ZNF790: variants seen among roughly 807,000 people sequenced by gnomAD.
ZNF790 encodes the protein zinc finger protein 790.
A neutral mutation model predicts 12.1 loss-of-function variants in ZNF790; 8 were observed. The observed-to-expected ratio is 0.66, with a 90% CI of 0.39 to 1.19. The LOEUF (loss-of-function observed/expected upper bound fraction) is 1.19, where lower values mean the gene tolerates loss of function less well. Ranked by LOEUF, ZNF790 falls within the 50% of genes most tolerant of loss-of-function variation. ZNF790 has a pLI of 0.01. For synonymous variants in ZNF790, 252 were observed against 244.3 expected, an observed-to-expected ratio of 1.03 and a Z score of -0.29; for missense variants, 707 against 752.2, an observed-to-expected ratio of 0.94 and a Z score of 0.70.
At chr19:36,850,169 C>T (rs2072232018) in exon 1 of ZNF790, 1 of 152,300 alleles carries the variant, frequency 6.6e-6, no homozygotes, top group Non-Finnish European at 1.5e-5. Context: ...GAATTCCAAG[C>T]AGCCTCCGGG....
intron 1 of ZNF790, among the ~76,000 whole-genome samples, chr19:36,829,610 C>T (rs2071905082): frequency 6.6e-6 from 1 of 152,182 alleles, no homozygotes; most frequent in South Asian, 2.1e-4. Flanking sequence ...TCTTGTTGCC[C>T]AGGCTGGAGT....
intron 1 of ZNF790, among the ~76,000 whole-genome samples, chr19:36,848,294 G>C (rs1305683825): frequency 6.6e-6 from 1 of 152,164 alleles, no homozygotes; most frequent in Non-Finnish European, 1.5e-5. Context: ...TCTGGGAAAA[G>C]GAAAAGGGCT....
chr19:36,823,704 ATC>A lies in ZNF790; in HGVS notation c.94_95del (p.Asp32CysfsTer38), dbSNP rs1390056349. 3.1e-6 allele frequency: 5 copies of A among 1,611,624 alleles called. No homozygotes were observed. The highest frequency in any genetic ancestry group is 1.7e-5 in the Admixed American group (1 of 59,152). ...TGTTGCTGTAGTTCTCCAACATCACATCTCTATATAAATCCCTCTGTTCCAGG... is the reference window on the plus strand; with the variant it reads ...TGTTGCTGTAGTTCTCCAACATCACATCTATATAAATCCCTCTGTTCCAGG... ...LDLEQRDLYR[D>X]VMLENYSNMV... is the part of the protein sequence containing the mutation. On this transcript the variant is annotated frameshift_variant, in exon 3 of 5. Coordinates refer to ENST00000356725, the MANE Select transcript of ZNF790 (RefSeq NM_206894.4). LOFTEE classifies it high-confidence loss of function.
chr19:36,829,201 ACGTG>A (rs1377590425), intron 1 of ZNF790, among the ~76,000 whole-genome samples: 7 of 152,232 alleles, frequency 4.6e-5, no homozygotes, highest in Non-Finnish European at 1.0e-4. Flanking sequence ...ATTCACAAAT[ACGTG>A]CAACCACAGT....
intron 4 of ZNF790, among the ~76,000 whole-genome samples, chr19:36,821,489 G>A (rs186983825): frequency 1.3e-4 from 20 of 152,320 alleles, no homozygotes; most frequent in East Asian, 1.2e-3. Flanking sequence ...CACAGGATAC[G>A]TGTTGAATAA....
At chr19:36,827,141 C>CATATATATATATATATATATAT (rs369671729) in intron 1 of ZNF790, among the ~76,000 whole-genome samples, 4 of 84,442 alleles carry the variant, frequency 4.7e-5, no homozygotes, top group Admixed American at 2.8e-4. Context: ...CACACACACA[C>CATATATATATATATATATATAT]ATATATATAT....
chr19:36,839,357 A>G (rs2072108427), upstream of ZNF790, among the ~76,000 whole-genome samples: 1 of 152,230 alleles, frequency 6.6e-6, no homozygotes, highest in African/African-American at 2.4e-5. Context: ...TGGTATCTCA[A>G]GAACAAATGC....
upstream of ZNF790, among the ~76,000 whole-genome samples, chr19:36,843,002 CAAAA>C (rs59705640): frequency 3.1e-5 from 2 of 65,528 alleles, no homozygotes. Context: ...GACTCCATCT[CAAAA>C]AAAAAAAAAA....
chr19:36,850,472 G>A (rs1030477216), upstream of ZNF790: 2 of 152,324 alleles, frequency 1.3e-5, no homozygotes, highest in Non-Finnish European at 2.9e-5. Flanking sequence ...TATAGCTAAC[G>A]GGCTGGGTGA....
chr19:36,833,333 G>C (rs1274345129), intron 1 of ZNF790, among the ~76,000 whole-genome samples: 1 of 152,110 alleles, frequency 6.6e-6, no homozygotes, highest in African/African-American at 2.4e-5. Flanking sequence ...AGTAGAGACA[G>C]AGTTTCACCA....
intron 1 of ZNF790, among the ~76,000 whole-genome samples, chr19:36,830,073 C>T (rs534896515): frequency 6.6e-6 from 1 of 152,234 alleles, no homozygotes; most frequent in East Asian, 1.9e-4. Flanking sequence ...AGCCCAATTG[C>T]CAGTACAATG....
At chr19:36,822,680 A>T (rs577317092) in intron 4 of ZNF790, among the ~76,000 whole-genome samples, 2 of 152,222 alleles carry the variant, frequency 1.3e-5, no homozygotes, top group Admixed American at 6.5e-5. Context: ...AGCTGGGACT[A>T]CAGGTGTGTG....
In ZNF790 at chr19:36,819,876, C is replaced by T. The variant is rs1422303394; in HGVS notation, c.468G>A (p.Val156=). Residue 156 remains valine, a synonymous_variant, in exon 5 of 5, where the codon GTG becomes GTA. Transcript: ENST00000356725. ...TATTAAGTCTCTGGTGTAGATTAAA[C>T]ACTGTATGCTGGTTAAAAGTGGGCC... ...EKRPTFNQHT[V]FNLHQRLNTG... The T allele has an allele frequency of 6.2e-6, 10 of 1,613,668 alleles. No individual in the cohort carries two copies. Among genetic ancestry groups the T allele is most frequent in the Non-Finnish European group, 8.5e-6 (10 of 1,179,906 alleles).
At chr19:36,833,132 C>G (rs1033035932) in intron 1 of ZNF790, among the ~76,000 whole-genome samples, 1 of 152,034 alleles carries the variant, frequency 6.6e-6, no homozygotes, top group African/African-American at 2.4e-5. Context: ...ATGTAACATA[C>G]AATATCTTTT....
At chr19:36,831,292 G>A (rs1289285019) in intron 1 of ZNF790, among the ~76,000 whole-genome samples, 1 of 152,114 alleles carries the variant, frequency 6.6e-6, no homozygotes, top group Non-Finnish European at 1.5e-5. Flanking sequence ...TGATGCAATT[G>A]CAGCTCTAAA....
In ZNF790 at chr19:36,819,095, T is replaced by A. The variant is rs764344180; in HGVS notation, c.1249A>T (p.Thr417Ser). ...TTACATTCATAAGGTTTCCTGCCAG[T>A]ATGAATTCGCTGATGTCGAGCAAGG... ...SHLARHQRIHTGRKPYECKQC... is the reference protein window; with the variant it reads ...SHLARHQRIHSGRKPYECKQC... Residue 417 changes from threonine (T) to serine (S), a missense_variant, in exon 5 of 5, where the codon ACT becomes TCT. Transcript: ENST00000356725. The A allele has an allele frequency of 6.2e-7, 1 of 1,613,708 alleles. No individual in the cohort carries two copies. Among genetic ancestry groups the A allele is most frequent in the Non-Finnish European group, 8.5e-7 (1 of 1,179,796 alleles).
intron 1 of ZNF790, among the ~76,000 whole-genome samples, chr19:36,828,654 T>C (rs926306317): frequency 2.8e-4 from 42 of 152,268 alleles, no homozygotes; most frequent in Admixed American, 9.8e-4. Context: ...ATTTATTTTA[T>C]TTTTGTCGAG....
At chr19:36,820,191 A>G (rs1212674641) in intron 4 of ZNF790, 77 bp from the exon 5 acceptor site, 5 of 1,442,538 alleles carry the variant, frequency 3.5e-6, no homozygotes, top group Non-Finnish European at 4.6e-6. Flanking sequence ...AGATATAGAA[A>G]ATCTTGAAGT....
intron 1 of ZNF790, among the ~76,000 whole-genome samples, chr19:36,826,394 C>T (rs1444360644): frequency 6.6e-6 from 1 of 151,832 alleles, no homozygotes; most frequent in Non-Finnish European, 1.5e-5. Flanking sequence ...ACCATCTTGG[C>T]CGACATGGTG....
Sources: allele counts gnomAD v4.1 joint callset (sites outside exome capture counted in the v4.1 genomes callset), GRCh38; gene constraint gnomAD v4.1.1; transcripts MANE v1.5; gene names NCBI Gene and HGNC (gene_info 2026-07-23, HGNC 2026-07-21).